PRMT8: variants seen among roughly 807,000 people sequenced by gnomAD.
The protein encoded by PRMT8 is protein arginine N-methyltransferase 8.
Under a neutral mutation model 47.1 loss-of-function variants are expected in PRMT8, and 7 were observed. The observed-to-expected ratio is 0.15, with a 90% CI of 0.08 to 0.28. The LOEUF (loss-of-function observed/expected upper bound fraction) is 0.28, where lower values mean the gene tolerates loss of function less well. Ranked by LOEUF, PRMT8 falls within the 10% of genes least tolerant of loss-of-function variation. The pLI is 1.00. For missense variants in PRMT8, 237 were observed against 505.4 expected (o/e 0.47, Z 5.09); for synonymous variants, 188 against 186.5 (o/e 1.01, Z -0.07).
At position 3,493,341 on chromosome 12, in the gene PRMT8, C is replaced by A. The variant is rs1369880106; in HGVS notation, c.75+1641C>A. 6.6e-6 allele frequency among the ~76,000 whole-genome samples: 1 copy of A among 152,318 alleles called. No homozygotes were observed. Among genetic ancestry groups the A allele is most frequent in the East Asian group, 1.9e-4 (1 of 5,176 alleles). ...CTCCGCCCTCTGATCGCCCACCCGC[C>A]GAAAGGGTTTCTAAAAATAGCCCAG... On this transcript the variant is annotated intron_variant, in intron 1 of 9. Transcript: ENST00000382622. This position sits in a 1 kb window ranked among gnomAD's most constrained non-coding sequence, Gnocchi z 8.2.
chr12:3,440,933 A>G (rs1342666992), intron 1 of PRMT8, among the ~76,000 whole-genome samples: 8 of 152,198 alleles, frequency 5.3e-5, no homozygotes, highest in Non-Finnish European at 8.8e-5. Context: ...CTCTAAAGAT[A>G]GGGATTTACT....
chr12:3,423,751 G>A (rs1864568652), intron 1 of PRMT8, among the ~76,000 whole-genome samples: 1 of 152,188 alleles, frequency 6.6e-6, no homozygotes, highest in Non-Finnish European at 1.5e-5. Flanking sequence ...TTTACCAAAT[G>A]GATTCCTTTC....
intron 6 of PRMT8, among the ~76,000 whole-genome samples, chr12:3,573,298 A>G (rs1866882945): frequency 1.3e-5 from 2 of 152,110 alleles, no homozygotes; most frequent in Admixed American, 1.3e-4. Flanking sequence ...CTTTCCTTAT[A>G]TTGTTATTTC....
intron 1 of PRMT8, 110 bp downstream of exon 1, chr12:3,491,810 G>T: frequency 8.0e-7 from 1 of 1,246,132 alleles, no homozygotes; most frequent in East Asian, 3.3e-5. Flanking sequence ...GTTTCATCCC[G>T]CTCGCTTCTG....
chr12:3,593,081 T>G lies in PRMT8; in HGVS notation c.1102-18T>G. ...CCCAGACGGCCGCCTGACCCTTCGCTCTCTCTCTGCCTTGCAGCGAGACCT... is the reference window on the plus strand; with the variant it reads ...CCCAGACGGCCGCCTGACCCTTCGCGCTCTCTCTGCCTTGCAGCGAGACCT... On this transcript the variant is annotated intron_variant, in intron 9 of 9. Transcript: ENST00000382622. The surrounding 1 kb of genome is among the most constrained non-coding windows in gnomAD (Gnocchi z 4.8). 1 of 1,607,448 alleles carries G rather than the reference T, an allele frequency of 6.2e-7. No individual in the cohort carries two copies. The highest frequency in any genetic ancestry group is 8.5e-7 in the Non-Finnish European group (1 of 1,174,478).
intron 2 of PRMT8, among the ~76,000 whole-genome samples, chr12:3,542,133 G>C (rs933162810): frequency 1.3e-5 from 2 of 152,318 alleles, no homozygotes; most frequent in African/African-American, 4.8e-5. Flanking sequence ...GGAGGTAGAG[G>C]GTGGAAGGAG....
intron 1 of PRMT8, among the ~76,000 whole-genome samples, chr12:3,419,253 G>A (rs930834923): frequency 6.6e-6 from 1 of 152,176 alleles, no homozygotes; most frequent in African/African-American, 2.4e-5. Flanking sequence ...CCTGCCAGGG[G>A]CTTCCGCCTT....
At chr12:3,561,626 C>T (rs934529280) in intron 4 of PRMT8, among the ~76,000 whole-genome samples, 2 of 152,142 alleles carry the variant, frequency 1.3e-5, no homozygotes, top group Non-Finnish European at 2.9e-5. Context: ...GGAATAGGGT[C>T]ATGCAGCCAA....
At chr12:3,437,031 A>G (rs1864750737) in intron 1 of PRMT8, among the ~76,000 whole-genome samples, 1 of 152,128 alleles carries the variant, frequency 6.6e-6, no homozygotes, top group Non-Finnish European at 1.5e-5. Flanking sequence ...AAGTCACGAA[A>G]ATGAAATATT....
chr12:3,509,447 C>T (rs1019932894), intron 1 of PRMT8, among the ~76,000 whole-genome samples: 4 of 152,214 alleles, frequency 2.6e-5, no homozygotes, highest in Middle Eastern at 3.2e-3. Flanking sequence ...CAGCGCATAT[C>T]GCCTTGTGCT....
chr12:3,447,160 G>A (rs1433515021), intron 1 of PRMT8, among the ~76,000 whole-genome samples: 3 of 152,146 alleles, frequency 2.0e-5, no homozygotes, highest in African/African-American at 4.8e-5. Context: ...GGGAAGGGGT[G>A]GCAGGAGCAT....
At position 3,592,265 on chromosome 12, in the gene PRMT8, C is replaced by T. The variant is rs367772639; in HGVS notation, c.1014C>T (p.Thr338=). 66 of 1,593,342 alleles carry T rather than the reference C, an allele frequency of 4.1e-5. No homozygotes were observed. The highest frequency in any genetic ancestry group is 1.7e-4 in the Middle Eastern group (1 of 6,034). The change falls in exon 9 of 10, where the codon ACC becomes ACT. Residue 338 remains threonine, a synonymous_variant. Transcript: ENST00000382622. The stretch of plus-strand genomic sequence containing the variant: ...CTCCCTACACCCACTGGAAGCAGAC[C>T]GTCTTCTACTTGGAAGATTACCTCA... ...PDAPYTHWKQ[T]VFYLEDYLTV...
upstream of PRMT8, among the ~76,000 whole-genome samples, chr12:3,489,727 C>A (rs2137107693): frequency 6.6e-6 from 1 of 152,162 alleles, no homozygotes; most frequent in South Asian, 2.1e-4. Flanking sequence ...TCTGCTCACT[C>A]ACCCCCAACT....
intron 1 of PRMT8, among the ~76,000 whole-genome samples, chr12:3,419,322 C>T (rs746740304): frequency 6.6e-6 from 1 of 152,186 alleles, no homozygotes; most frequent in Non-Finnish European, 1.5e-5. Context: ...CTGGCTACAG[C>T]CTTCAGCTGG....
chr12:3,409,214 C>T lies in PRMT8; in HGVS notation c.48+27772C>T, dbSNP rs1245946824. 6.6e-6 allele frequency among the ~76,000 whole-genome samples: 1 copy of T among 152,136 alleles called. No individual in the cohort carries two copies. Among genetic ancestry groups the T allele is most frequent in the South Asian group, 2.1e-4 (1 of 4,828 alleles). Reference sequence around the variant, plus strand: ...CTGAGGCACACTGCAGCAGCTCAGGCCCTGCTGGATTTTTAACTATGACCC... The same window carrying T: ...CTGAGGCACACTGCAGCAGCTCAGGTCCTGCTGGATTTTTAACTATGACCC... On this transcript the variant is annotated intron_variant, in intron 1 of 9. Coordinates refer to the PRMT8 transcript ENST00000452611. This position sits in a 1 kb window ranked among gnomAD's most constrained non-coding sequence, Gnocchi z 4.4.
At chr12:3,446,600 C>T (rs1032232250) in intron 1 of PRMT8, among the ~76,000 whole-genome samples, 2 of 152,168 alleles carry the variant, frequency 1.3e-5, no homozygotes, top group Non-Finnish European at 2.9e-5. Context: ...CTATTGGAAA[C>T]GGAGTCCCAG....
intron 1 of PRMT8, among the ~76,000 whole-genome samples, chr12:3,447,225 C>A (rs1048903763): frequency 2.0e-5 from 3 of 152,190 alleles, no homozygotes; most frequent in African/African-American, 7.2e-5. Flanking sequence ...CCAAAACAGG[C>A]GCTTGTATCT....
chr12:3,462,416 G>A (rs1865052011), intron 1 of PRMT8, among the ~76,000 whole-genome samples: 1 of 151,976 alleles, frequency 6.6e-6, no homozygotes, highest in African/African-American at 2.4e-5. Flanking sequence ...CCATCTTACT[G>A]ATTTACAGAA....
intron 1 of PRMT8, among the ~76,000 whole-genome samples, chr12:3,539,230 C>T (rs1161446012): frequency 6.6e-6 from 1 of 152,176 alleles, no homozygotes; most frequent in East Asian, 1.9e-4. Flanking sequence ...ATCAACTCCT[C>T]CAAACTTTTG....
Sources: allele counts gnomAD v4.1 joint callset (sites outside exome capture counted in the v4.1 genomes callset), GRCh38; gene constraint gnomAD v4.1.1; non-coding constraint Gnocchi (gnomAD v3.1); transcripts MANE v1.5; gene names NCBI Gene and HGNC (gene_info 2026-07-23, HGNC 2026-07-21).